GUF1: variants seen among roughly 807,000 people sequenced by gnomAD.
GUF1 encodes the protein GTP binding elongation factor GUF1.
GUF1 carries 78 observed loss-of-function variants against 82.4 expected under a neutral mutation model. That is an observed-to-expected ratio of 0.95 (90% CI 0.79 to 1.14). GUF1 has a LOEUF of 1.14. Ranked by LOEUF, GUF1 falls within the 50% of genes most tolerant of loss-of-function variation. The pLI is 0.00. For synonymous variants in GUF1, 279 were observed against 282.3 expected (o/e 0.99, Z 0.12); for missense variants, 814 against 798.2 (o/e 1.02, Z -0.24).
intron 13 of GUF1, among the ~76,000 whole-genome samples, chr4:44,693,170 C>G (rs902549000): frequency 3.3e-5 from 5 of 151,816 alleles, no homozygotes; most frequent in African/African-American, 1.2e-4. Flanking sequence ...TATTTCATAC[C>G]AGGAGGCAAG....
intron 6 of GUF1, among the ~76,000 whole-genome samples, chr4:44,685,652 A>G (rs1256908750): frequency 2.0e-5 from 3 of 152,060 alleles, no homozygotes; most frequent in Admixed American, 6.6e-5. Context: ...AAAGAGATAG[A>G]TACTGGTGAA....
In GUF1 at chr4:44,688,129, A is replaced by G; in HGVS notation, c.1061A>G (p.Lys354Arg). The change falls in exon 9 of 17, where the codon AAA becomes AGA. Residue 354 changes from lysine (K) to arginine (R), a missense_variant. By Grantham distance (26) the Lys-to-Arg change is conservative. Transcript: ENST00000281543. ...VEPLPGFKSA[K>R]PMVFAGMYPL... The stretch of plus-strand genomic sequence containing the variant: ...CCCTTGCCTGGGTTTAAATCAGCGA[A>G]ACCAATGGTATTTGCAGGTGAGGAG... 6.2e-7 allele frequency: 1 copy of G among 1,611,198 alleles called. No homozygotes were observed. Among genetic ancestry groups the G allele is most frequent in the Non-Finnish European group, 8.5e-7 (1 of 1,178,164 alleles).
chr4:44,686,825 CTATT>C (rs952308789), intron 8 of GUF1, 112 bp downstream of exon 8: 10 of 715,978 alleles, frequency 1.4e-5, no homozygotes, highest in Non-Finnish European at 2.2e-5. Flanking sequence ...TTAAAAAAAA[CTATT>C]TAATGCAACT....
intron 9 of GUF1, among the ~76,000 whole-genome samples, chr4:44,688,387 G>A (rs1408766819): frequency 6.6e-6 from 1 of 151,758 alleles, no homozygotes; most frequent in Non-Finnish European, 1.5e-5. Flanking sequence ...GTGATATATA[G>A]GATACAGTAA....
intron 13 of GUF1, among the ~76,000 whole-genome samples, chr4:44,693,554 G>C (rs1294130886): frequency 2.0e-5 from 3 of 152,044 alleles, no homozygotes; most frequent in Non-Finnish European, 2.9e-5. Flanking sequence ...TGTTAATAGA[G>C]TGTATTATTG....
intron 8 of GUF1, among the ~76,000 whole-genome samples, chr4:44,687,738 T>A (rs1022255222): frequency 1.3e-5 from 2 of 152,042 alleles, no homozygotes; most frequent in African/African-American, 2.4e-5. Context: ...ACATATATTT[T>A]AGAAACTGCT....
chr4:44,683,191 C>T, intron 5 of GUF1, 44 bp from the exon 6 acceptor site: 2 of 1,207,306 alleles, frequency 1.7e-6, no homozygotes, highest in Non-Finnish European at 2.3e-6. Context: ...CATAATACAT[C>T]TTATCTTTAT....
At position 44,678,775 on chromosome 4, in the gene GUF1, C is replaced by A; in HGVS notation, c.153C>A (p.Ser51=). The A allele has an allele frequency of 6.4e-7, 1 of 1,552,940 alleles. No individual in the cohort carries two copies. Among genetic ancestry groups the A allele is most frequent in the Non-Finnish European group, 8.6e-7 (1 of 1,156,592 alleles). The change falls in exon 1 of 17, where the codon TCC becomes TCA. Residue 51 remains serine, a synonymous_variant. Coordinates refer to ENST00000281543, the MANE Select transcript of GUF1 (RefSeq NM_021927.3). The stretch of plus-strand genomic sequence containing the variant: ...GGGCTACCGACAGGCTCTACAGCTC[C>A]GCAGAATTCAAGGTGACTGCCCCCT... The part of the protein sequence containing the change: ...ESWATDRLYS[S]AEFKEKLDMS...
rs144753997 is a variant in GUF1, at chr4:44,697,430, G to A, written c.1858G>A (p.Val620Ile). ...CAGTGTGAAAGCCTATAGGAAAAAC[G>A]TTTTGGCAAAATGTGTATGTATCTA... ...RETVKAYRKN[V>I]LAKCYGGDIT... The change falls in exon 16 of 17, where the codon GTT becomes ATT. Residue 620 changes from valine to isoleucine, a missense_variant. Physicochemically the swap from Val to Ile is conservative, Grantham distance 29. Transcript: ENST00000281543. 7.7e-5 allele frequency: 120 copies of A among 1,562,264 alleles called. No individual in the cohort carries two copies. In the African/African-American group the frequency reaches 1.3e-3, roughly 17 times the overall value.
In GUF1 at chr4:44,697,495, A is replaced by G. The variant is rs754335380; in HGVS notation, c.1872+51A>G. 6 of 938,348 alleles carry G rather than the reference A, an allele frequency of 6.4e-6. No individual in the cohort carries two copies. In the East Asian group the frequency reaches 1.3e-4, roughly 20 times the overall value. The allele number at this position is 938,348 out of a possible 1,614,324, so 58.1% of individuals were successfully genotyped here. On this transcript the variant is annotated intron_variant, in intron 16 of 16. Coordinates refer to ENST00000281543, the MANE Select transcript of GUF1 (RefSeq NM_021927.3). ...ACTTTATAACTTTTATGGGCTTTAA[A>G]TCAAAGGGGGCATAAACTTATTGAT...
chr4:44,690,551 T>C (rs1715368188), intron 11 of GUF1, among the ~76,000 whole-genome samples, 166 bp from the exon 12 acceptor site: 1 of 151,820 alleles, frequency 6.6e-6, no homozygotes, highest in Admixed American at 6.6e-5. Flanking sequence ...AAATGGTCCA[T>C]GAAATATGTT....
At position 44,691,675 on chromosome 4, in the gene GUF1, G is replaced by A. The variant is rs2109657473; in HGVS notation, c.1489G>A (p.Ala497Thr). The A allele has an allele frequency of 1.9e-6, 3 of 1,587,148 alleles. No individual in the cohort carries two copies. The East Asian group carries it at 6.8e-5, about 36-fold the overall frequency. ...TTCCTTCCCTTTTTAGGCTCGAAGA[G>A]CAGTTCAGAAGAATATGATATTTAT... is the stretch of plus-strand genomic sequence containing the variant. ...KIMMLCEARR[A>T]VQKNMIFIDQ... The change falls in exon 13 of 17, where the codon GCA becomes ACA. Residue 497 changes from alanine to threonine, a missense_variant. Coordinates refer to ENST00000281543, the MANE Select transcript of GUF1 (RefSeq NM_021927.3).
chr4:44,679,524 A>C (rs1560339174), intron 1 of GUF1, among the ~76,000 whole-genome samples: 1 of 152,206 alleles, frequency 6.6e-6, no homozygotes, highest in East Asian at 1.9e-4. Context: ...GTTTTTAAAA[A>C]TGGATTTATA....
chr4:44,678,613 C>G lies in GUF1; in HGVS notation c.-10C>G. ...GGGTACCCTCTCCTGACGCCTCCGC[C>G]GCCCGGGTCATGTGGACCCTCGTGG... is the stretch of plus-strand genomic sequence containing the variant. On this transcript the variant is annotated 5_prime_UTR_variant, in exon 1 of 17. Transcript: ENST00000281543. 6.9e-7 allele frequency: 1 copy of G among 1,447,494 alleles called. No homozygotes were observed. The highest frequency in any genetic ancestry group is 1.6e-5 in the South Asian group (1 of 61,470). 89.7% of individuals were successfully genotyped at this position (1,447,494 alleles called of 1,614,324 possible).
chr4:44,681,297 TTG>T, intron 4 of GUF1, 94 bp downstream of exon 4: 1 of 910,348 alleles, frequency 1.1e-6, no homozygotes, highest in South Asian at 1.5e-5. Flanking sequence ...AATAGAATTT[TTG>T]TGTTTGAAAA....
intron 4 of GUF1, 120 bp downstream of exon 4, chr4:44,681,323 G>C: frequency 1.5e-6 from 1 of 687,052 alleles, no homozygotes; most frequent in East Asian, 2.6e-5. Flanking sequence ...GATTTAATCT[G>C]TTACTTACTG....
intron 3 of GUF1, 123 bp from the exon 4 acceptor site, chr4:44,680,999 GC>G: frequency 9.1e-7 from 1 of 1,103,916 alleles, no homozygotes; most frequent in South Asian, 1.4e-5. Context: ...TTTCAAAAGT[GC>G]AGGCTACAAA....
At chr4:44,683,341 T>C (rs759853177) in intron 6 of GUF1, 23 bp downstream of exon 6, 2 of 1,370,112 alleles carry the variant, frequency 1.5e-6, no homozygotes, top group South Asian at 2.7e-5. Context: ...CCTAAAAAGA[T>C]TATACTTTGA....
At chr4:44,694,880 C>A (rs1417841977) in intron 14 of GUF1, among the ~76,000 whole-genome samples, 1 of 151,900 alleles carries the variant, frequency 6.6e-6, no homozygotes, top group African/African-American at 2.4e-5. Context: ...AATTTCTGCT[C>A]ACTGCAACCT....
Sources: allele counts gnomAD v4.1 joint callset (sites outside exome capture counted in the v4.1 genomes callset), GRCh38; gene constraint gnomAD v4.1.1; transcripts MANE v1.5; gene names NCBI Gene and HGNC (gene_info 2026-07-23, HGNC 2026-07-21).